EYS: variants seen among roughly 807,000 people sequenced by gnomAD.
The protein encoded by EYS is EGF-like photoreceptor maintenance factor.
A neutral mutation model predicts 282.1 loss-of-function variants in EYS; 250 were observed. The ratio of observed to expected loss-of-function variants is 0.89; its 90% CI spans 0.80 to 0.98. The LOEUF is 0.98. Ranked by LOEUF, EYS falls within the 50% of genes least tolerant of loss-of-function variation. EYS has a pLI of 0.00. For synonymous variants in EYS, 1,355 were observed against 1,282.9 expected, an observed-to-expected ratio of 1.06 and a Z score of -1.20; for missense variants, 4,016 against 3,709.0, an observed-to-expected ratio of 1.08 and a Z score of -2.15.
At chr6:65,404,105 T>C (rs1266096064) in intron 6 of EYS, among the ~76,000 whole-genome samples, 1 of 152,098 alleles carries the variant, frequency 6.6e-6, no homozygotes, top group African/African-American at 2.4e-5. Context: ...CAGGAAAATG[T>C]TCCCCTGACT....
intron 31 of EYS, among the ~76,000 whole-genome samples, chr6:64,175,069 AAG>A: frequency 6.6e-6 from 1 of 152,208 alleles, no homozygotes; most frequent in African/African-American, 2.4e-5. Context: ...GCCATATGTA[AAG>A]AAACAAATTT....
intron 7 of EYS, among the ~76,000 whole-genome samples, chr6:65,384,789 A>G (rs1042158816): frequency 7.1e-6 from 1 of 140,602 alleles, no homozygotes; most frequent in Admixed American, 7.5e-5. Flanking sequence ...TATGTTTTGG[A>G]AAACTAGTGA....
At chr6:64,130,532 C>T (rs576290621) in intron 31 of EYS, among the ~76,000 whole-genome samples, 11 of 151,852 alleles carry the variant, frequency 7.2e-5, no homozygotes, top group East Asian at 1.9e-4. Context: ...TGTTAAATGA[C>T]GAGTTAATGG....
At chr6:65,464,468 A>C (rs1041717612) in intron 5 of EYS, among the ~76,000 whole-genome samples, 3 of 152,212 alleles carry the variant, frequency 2.0e-5, no homozygotes, top group Non-Finnish European at 4.4e-5. Flanking sequence ...AAATAAGACT[A>C]AAGTTTGTAA....
intron 31 of EYS, among the ~76,000 whole-genome samples, chr6:64,091,995 G>A (rs1026258901): frequency 1.3e-5 from 2 of 152,088 alleles, no homozygotes; most frequent in African/African-American, 4.8e-5. Flanking sequence ...GTGAGAACAT[G>A]CAGTGTTTGG....
intron 30 of EYS, among the ~76,000 whole-genome samples, chr6:64,306,323 C>G (rs946575967): frequency 6.6e-6 from 1 of 152,124 alleles, no homozygotes. Context: ...ACCATGCTAT[C>G]TTACTTCTGC....
chr6:64,569,382 G>C (rs890933851), intron 26 of EYS, among the ~76,000 whole-genome samples: 1 of 151,862 alleles, frequency 6.6e-6, no homozygotes, highest in Non-Finnish European at 1.5e-5. Context: ...TCAAGCAGAA[G>C]AAAGGATATC....
chr6:64,107,597 T>C (rs1032901942), intron 31 of EYS, among the ~76,000 whole-genome samples: 1 of 151,956 alleles, frequency 6.6e-6, no homozygotes, highest in Non-Finnish European at 1.5e-5. Context: ...CTGACTCAAA[T>C]GTTAATCTCC....
At chr6:64,573,303 C>G (rs1023588063) in intron 26 of EYS, among the ~76,000 whole-genome samples, 1 of 152,252 alleles carries the variant, frequency 6.6e-6, no homozygotes. Context: ...AAACGTAAGT[C>G]CTAAAGCCAT....
At chr6:65,659,448 GC>G (rs1283325585) in intron 1 of EYS, among the ~76,000 whole-genome samples, 2 of 151,672 alleles carry the variant, frequency 1.3e-5, no homozygotes, top group Admixed American at 1.3e-4. Context: ...CTAAATCTCT[GC>G]CTTTGGTGAT....
intron 31 of EYS, among the ~76,000 whole-genome samples, chr6:64,225,236 C>T (rs940486328): frequency 6.6e-6 from 1 of 152,028 alleles, no homozygotes; most frequent in Non-Finnish European, 1.5e-5. Flanking sequence ...TTTCCTTTTT[C>T]GTGTAATCAT....
chr6:64,966,695 A>C (rs1770105977), intron 14 of EYS, among the ~76,000 whole-genome samples: 1 of 152,154 alleles, frequency 6.6e-6, no homozygotes. Flanking sequence ...TTCAATCCTC[A>C]CATAGCCTTT....
chr6:65,120,900 C>G (rs1038671565), intron 12 of EYS, among the ~76,000 whole-genome samples: 2 of 152,088 alleles, frequency 1.3e-5, no homozygotes, highest in African/African-American at 4.8e-5. Flanking sequence ...ACACTTGTAC[C>G]TTATCAACAA....
chr6:65,435,109 A>G (rs1768025131), intron 5 of EYS, among the ~76,000 whole-genome samples: 1 of 151,892 alleles, frequency 6.6e-6, no homozygotes, highest in South Asian at 2.1e-4. Context: ...ATTTAAGAAA[A>G]AAAATTGAAA....
rs921617073 is a variant in EYS, at chr6:64,541,594, G to A, written c.5644+48629C>T. On this transcript the variant is annotated intron_variant, in intron 26 of 42. Coordinates refer to ENST00000503581, the MANE Select transcript of EYS (RefSeq NM_001142800.2). ...ACCATGTTTTCTATTCTTTCTTCAC[G>A]TATTACTAAAGTATATTTTCCCTTC... is the stretch of plus-strand genomic sequence containing the variant. Among the ~76,000 whole-genome samples the A allele has an allele frequency of 2.6e-5, 4 of 151,266 alleles. 1 individual carries two copies. The highest frequency in any genetic ancestry group is 3.4e-3 in the Middle Eastern group (1 of 294).
chr6:64,746,271 T>C (rs963456011), intron 22 of EYS, among the ~76,000 whole-genome samples: 5 of 151,954 alleles, frequency 3.3e-5, no homozygotes, highest in African/African-American at 4.8e-5. Flanking sequence ...GTGGATTAAT[T>C]AATACTATTG....
At chr6:65,606,183 C>T (rs1765783703) in intron 2 of EYS, among the ~76,000 whole-genome samples, 1 of 151,242 alleles carries the variant, frequency 6.6e-6, no homozygotes, top group African/African-American at 2.4e-5. Context: ...CCTTACCTTC[C>T]ACATATTTAC....
intron 2 of EYS, among the ~76,000 whole-genome samples, chr6:65,600,200 T>A (rs1012258465): frequency 6.6e-6 from 1 of 151,960 alleles, no homozygotes; most frequent in Non-Finnish European, 1.5e-5. Context: ...AGCCTCTTGG[T>A]AAATTCTGAG....
At chr6:63,960,099 G>A (rs1309602302) in intron 35 of EYS, among the ~76,000 whole-genome samples, 2 of 151,908 alleles carry the variant, frequency 1.3e-5, no homozygotes, top group Non-Finnish European at 2.9e-5. Flanking sequence ...ATGGATCTAG[G>A]AAAAGTTAAT....
Sources: allele counts gnomAD v4.1 joint callset (sites outside exome capture counted in the v4.1 genomes callset), GRCh38; gene constraint gnomAD v4.1.1; transcripts MANE v1.5; gene names NCBI Gene and HGNC (gene_info 2026-07-23, HGNC 2026-07-21).